Variants in API5 observed in about 807,000 individuals in gnomAD.
API5 encodes apoptosis inhibitor 5, also known as FIF.
API5 carries 6 observed loss-of-function variants against 71.9 expected under a neutral mutation model. The ratio of observed to expected loss-of-function variants is 0.08; its 90% CI spans 0.05 to 0.16. The LOEUF is 0.16. Ranked by LOEUF, API5 falls within the 10% of genes least tolerant of loss-of-function variation. API5 has a pLI of 1.00. For missense variants in API5, 332 were observed against 612.8 expected (o/e 0.54, Z 4.84); for synonymous variants, 189 against 221.3 (o/e 0.85, Z 1.30).
intron 11 of API5, among the ~76,000 whole-genome samples, chr11:43,331,821 A>T (rs57236849): frequency 0.095 from 14,517 of 152,234 alleles, 948 homozygotes; most frequent in Admixed American, 0.23. Flanking sequence ...AAAACTGAAA[A>T]GGCATTAAAC....
chr11:43,312,271 C>G, intron 1 of API5, 75 bp downstream of exon 1: 2 of 1,504,308 alleles, frequency 1.3e-6, no homozygotes, highest in Non-Finnish European at 1.8e-6. Context: ...GCCGCACTCC[C>G]CGGGCCGAGC....
chr11:43,315,028 C>T (rs768709802), intron 1 of API5, among the ~76,000 whole-genome samples: 2 of 152,164 alleles, frequency 1.3e-5, no homozygotes, highest in African/African-American at 2.4e-5. Flanking sequence ...TGGCAAATAC[C>T]TGTCTGGATA....
intron 6 of API5, among the ~76,000 whole-genome samples, chr11:43,325,367 A>G (rs1855036612): frequency 6.6e-6 from 1 of 152,226 alleles, no homozygotes; most frequent in African/African-American, 2.4e-5. Flanking sequence ...TCCCCAAAGA[A>G]ATCAACAGTT....
Position 43,326,382 on chromosome 11 carries a change from T to G in API5, c.751-125T>G. The G allele has an allele frequency of 7.9e-6, 5 of 629,722 alleles. No individual in the cohort carries two copies. The South Asian group carries it at 1.0e-4, about 13-fold the overall frequency. 39.0% of individuals were successfully genotyped at this position (629,722 alleles called of 1,614,324 possible). On this transcript the variant is annotated intron_variant, in intron 6 of 13. Coordinates refer to ENST00000531273, the MANE Select transcript of API5 (RefSeq NM_001142930.2). Reference sequence around the variant, plus strand: ...ATCTGGGGCATGCTGGGGTGTGCACTATATCGTATTTGTAGTCAGAATACT... The same window carrying G: ...ATCTGGGGCATGCTGGGGTGTGCACGATATCGTATTTGTAGTCAGAATACT...
At position 43,321,970 on chromosome 11, in the gene API5, T is replaced by A; in HGVS notation, c.392-15T>A. 1 of 1,601,768 alleles carries A rather than the reference T, an allele frequency of 6.2e-7. No homozygotes were observed. The highest frequency in any genetic ancestry group is 8.5e-7 in the Non-Finnish European group (1 of 1,175,950). On this transcript the variant is annotated splice_polypyrimidine_tract_variant and intron_variant, in intron 4 of 13. Coordinates refer to ENST00000531273, the MANE Select transcript of API5 (RefSeq NM_001142930.2). ...ATAGAATTGACTTGCTACAGGCAAC[T>A]ATTTTGTTTTGCAGGGACTTTAGGT...
At chr11:43,326,462 G>T (rs1465444576) in intron 6 of API5, 45 bp from the exon 7 acceptor site, 1 of 1,190,244 alleles carries the variant, frequency 8.4e-7, no homozygotes, top group South Asian at 1.2e-5. Flanking sequence ...ATATTTGAGC[G>T]AATATTTGTT....
rs5743240 is a variant in API5, at chr11:43,327,831, A to G, written c.898A>G (p.Met300Val). The change falls in exon 8 of 14, where the codon ATG becomes GTG. Residue 300 changes from methionine to valine, a missense_variant. By Grantham distance (21) the Met-to-Val change is conservative. Coordinates refer to ENST00000531273, the MANE Select transcript of API5 (RefSeq NM_001142930.2). ...LAEMSSFCGD[M>V]EKLETNLRKL... Reference sequence around the variant, plus strand: ...GGAGATGAGTTCATTTTGTGGTGACATGGAAAAACTAGAAACAAATTTAAG... The same window carrying G: ...GGAGATGAGTTCATTTTGTGGTGACGTGGAAAAACTAGAAACAAATTTAAG... 6.3e-4 allele frequency: 1,023 copies of G among 1,612,754 alleles called. No individual in the cohort carries two copies. Among genetic ancestry groups the G allele is most frequent in the Non-Finnish European group, 8.4e-4 (985 of 1,179,488 alleles).
chr11:43,319,989 C>T (rs1466532747), intron 2 of API5, among the ~76,000 whole-genome samples: 1 of 150,822 alleles, frequency 6.6e-6, no homozygotes, highest in African/African-American at 2.4e-5. Context: ...GTTAACATCC[C>T]TTTTTATATT....
chr11:43,332,675 A>C (rs1052180886), intron 11 of API5, among the ~76,000 whole-genome samples: 1 of 151,538 alleles, frequency 6.6e-6, no homozygotes, highest in Non-Finnish European at 1.5e-5. Context: ...GGAACACCCA[A>C]CCCCCCTCAC....
chr11:43,312,440 T>C (rs1854509372), intron 1 of API5, among the ~76,000 whole-genome samples: 1 of 152,016 alleles, frequency 6.6e-6, no homozygotes, highest in African/African-American at 2.4e-5. Context: ...TTTCTCACCG[T>C]GGCGTAACCT....
intron 6 of API5, 127 bp downstream of exon 6, chr11:43,323,763 G>T: frequency 1.1e-6 from 1 of 906,346 alleles, no homozygotes; most frequent in Non-Finnish European, 1.7e-6. Context: ...GGAACCAGAA[G>T]TGTATTCAGA....
intron 6 of API5, among the ~76,000 whole-genome samples, chr11:43,325,411 GACA>G (rs1397142757): frequency 2.6e-5 from 4 of 152,186 alleles, no homozygotes; most frequent in African/African-American, 7.2e-5. Flanking sequence ...GAAGGGACAA[GACA>G]ACGTCAAAGC....
chr11:43,318,497 G>T, intron 1 of API5, 143 bp from the exon 2 acceptor site: 1 of 1,540,486 alleles, frequency 6.5e-7, no homozygotes, highest in Non-Finnish European at 8.7e-7. Flanking sequence ...GTGTCAGTTT[G>T]AGCAGTAAAC....
chr11:43,319,502 C>T (rs1464387225), intron 2 of API5, among the ~76,000 whole-genome samples: 1 of 152,310 alleles, frequency 6.6e-6, no homozygotes, highest in South Asian at 2.1e-4. Flanking sequence ...ACATCCATAG[C>T]TCACTGCAGC....
chr11:43,331,954 A>G (rs1325422889), intron 11 of API5: 1 of 152,218 alleles, frequency 6.6e-6, no homozygotes, highest in Non-Finnish European at 1.5e-5. Context: ...AAAATGTGAG[A>G]TTTGACTTTA....
chr11:43,330,176 C>G, intron 10 of API5, 118 bp downstream of exon 10: 1 of 782,128 alleles, frequency 1.3e-6, no homozygotes, highest in Admixed American at 3.0e-5. Flanking sequence ...TCATCCCAGT[C>G]CTAATGAAAT....
chr11:43,330,426 A>G, intron 10 of API5, 82 bp from the exon 11 acceptor site: 1 of 1,002,354 alleles, frequency 1.0e-6, no homozygotes, highest in Non-Finnish European at 1.6e-6. Flanking sequence ...TAGAAGTGTA[A>G]TTACTCTAGT....
At chr11:43,340,179 C>A in intron 13 of API5, 1 of 320,996 alleles carries the variant, frequency 3.1e-6, no homozygotes. Context: ...AAGGTAACCC[C>A]ATTTATAATA....
chr11:43,332,245 G>A (rs919036824), intron 11 of API5, among the ~76,000 whole-genome samples: 3 of 152,150 alleles, frequency 2.0e-5, no homozygotes, highest in African/African-American at 4.8e-5. Context: ...CATCAAGTAA[G>A]TAAATAGTTC....
Sources: gnomAD v4.1 joint callset for allele counts (sites outside exome capture counted in the v4.1 genomes callset) on GRCh38, gnomAD v4.1.1 for gene constraint, MANE v1.5 for transcripts, NCBI Gene and HGNC (gene_info 2026-07-23, HGNC 2026-07-21) for gene names.